Variants in PACRG observed in about 807,000 individuals in gnomAD.
The protein encoded by PACRG is parkin coregulated gene protein.
In PACRG, 29 loss-of-function variants were observed where a neutral mutation model predicts 29.7. The ratio of observed to expected loss-of-function variants is 0.98; its 90% CI spans 0.73 to 1.33. The LOEUF is 1.33. Ranked by LOEUF, PACRG falls within the 40% of genes most tolerant of loss-of-function variation. PACRG has a pLI of 0.00. For missense variants in PACRG, 279 were observed against 316.2 expected (o/e 0.88, Z 0.89); for synonymous variants, 116 against 118.7 (o/e 0.98, Z 0.15).
intron 2 of PACRG, among the ~76,000 whole-genome samples, chr6:162,849,062 G>C (rs1372417668): frequency 6.6e-6 from 1 of 152,132 alleles, no homozygotes; most frequent in East Asian, 1.9e-4. Flanking sequence ...AGAAGGGCTG[G>C]GGGCAGAGGA....
intron 4 of PACRG, chr6:163,191,826 A>T (rs1780231285): frequency 2.2e-6 from 1 of 452,886 alleles, no homozygotes. Context: ...AAACCCTGTA[A>T]CACTTCATAG....
At chr6:162,995,627 T>G (rs1299939277) in intron 2 of PACRG, among the ~76,000 whole-genome samples, 1 of 152,250 alleles carries the variant, frequency 6.6e-6, no homozygotes, top group African/African-American at 2.4e-5. Flanking sequence ...CCCACTGGCC[T>G]GCGCCCACTG....
At chr6:163,068,296 A>C (rs1270916869) in intron 3 of PACRG, among the ~76,000 whole-genome samples, 4 of 152,168 alleles carry the variant, frequency 2.6e-5, no homozygotes, top group African/African-American at 9.7e-5. Flanking sequence ...TGCTTTGTTG[A>C]AAACCCTTTT....
intron 4 of PACRG, among the ~76,000 whole-genome samples, chr6:163,136,208 A>G (rs903509261): frequency 3.3e-5 from 5 of 152,270 alleles, no homozygotes; most frequent in South Asian, 2.1e-4. Flanking sequence ...CCCAATCTCA[A>G]TTATTGACAG....
chr6:163,126,457 C>A (rs1816517651), intron 4 of PACRG, among the ~76,000 whole-genome samples: 1 of 152,060 alleles, frequency 6.6e-6, no homozygotes, highest in Non-Finnish European at 1.5e-5. Context: ...ACATTGAAAC[C>A]AAGATTGTCT....
chr6:163,257,723 A>C (rs1783171816), intron 4 of PACRG, among the ~76,000 whole-genome samples: 1 of 152,180 alleles, frequency 6.6e-6, no homozygotes, highest in Non-Finnish European at 1.5e-5. Context: ...CAACTTATTC[A>C]AGTCTTTTAT....
At chr6:163,150,330 C>T (rs1161934456) in intron 4 of PACRG, among the ~76,000 whole-genome samples, 1 of 152,144 alleles carries the variant, frequency 6.6e-6, no homozygotes, top group Non-Finnish European at 1.5e-5. Context: ...AGTGCTGTCC[C>T]ACTTGTCAGA....
In PACRG at chr6:163,253,731, A is replaced by T. The variant is rs1782996867; in HGVS notation, c.614-61096A>T. ...ACCAGAGTAATATTAGAAGAGATTA[A>T]GCCACACAAAACTATCTTCCCTCAC... On this transcript the variant is annotated intron_variant, in intron 4 of 4. Transcript: ENST00000366888. 2.6e-5 allele frequency among the ~76,000 whole-genome samples: 4 copies of T among 152,246 alleles called. No individual in the cohort carries two copies. In the South Asian group the frequency reaches 8.3e-4, roughly 31 times the overall value.
At chr6:163,148,787 T>C (rs1438828205) in intron 4 of PACRG, among the ~76,000 whole-genome samples, 2 of 152,018 alleles carry the variant, frequency 1.3e-5, no homozygotes, top group East Asian at 3.9e-4. Flanking sequence ...CTCCCAACAC[T>C]GGAAATACCT....
chr6:162,733,427 C>T (rs549990469), intron 1 of PACRG, among the ~76,000 whole-genome samples: 2 of 152,060 alleles, frequency 1.3e-5, no homozygotes, highest in South Asian at 2.1e-4. Context: ...GCAATTCTAC[C>T]CTTTCTTCTT....
intron 1 of PACRG, among the ~76,000 whole-genome samples, chr6:162,771,708 G>A (rs1006849612): frequency 2.0e-5 from 3 of 152,058 alleles, no homozygotes; most frequent in Non-Finnish European, 4.4e-5. Flanking sequence ...GAAAAGGTGG[G>A]TAATCATTTT....
At position 162,728,081 on chromosome 6, in the gene PACRG, G is replaced by T. The variant is rs1779414301; in HGVS notation, c.-155G>T. On this transcript the variant is annotated 5_prime_UTR_variant, in exon 1 of 5. Transcript: ENST00000366888. ...GTCCAGCTCCCTTCACCTAGGAGCT[G>T]CCAAACATCTGGATCAACCTGGGCA... The T allele has an allele frequency of 1.1e-6, 1 of 926,618 alleles. No homozygotes were observed. The highest frequency in any genetic ancestry group is 1.6e-6 in the Non-Finnish European group (1 of 610,600). The allele number at this position is 926,618 out of a possible 1,614,324, so 57.4% of individuals were successfully genotyped here.
chr6:162,761,007 T>G (rs892075575), intron 1 of PACRG, among the ~76,000 whole-genome samples: 4 of 152,094 alleles, frequency 2.6e-5, no homozygotes, highest in African/African-American at 4.8e-5. Context: ...CCGGGCAGGG[T>G]CTAGGGATTT....
intron 2 of PACRG, among the ~76,000 whole-genome samples, chr6:162,956,296 CTTTT>C (rs2128137288): frequency 6.6e-6 from 1 of 152,278 alleles, no homozygotes; most frequent in South Asian, 2.1e-4. Flanking sequence ...AGATTATTTT[CTTTT>C]GTCAGCAGGT....
intron 4 of PACRG, among the ~76,000 whole-genome samples, chr6:163,288,376 T>C (rs957025707): frequency 2.6e-5 from 4 of 152,230 alleles, no homozygotes; most frequent in Non-Finnish European, 5.9e-5. Context: ...GCCTGTCTCC[T>C]GGTGTGCCAC....
At chr6:162,758,117 A>G (rs922223228) in intron 1 of PACRG, among the ~76,000 whole-genome samples, 1 of 152,204 alleles carries the variant, frequency 6.6e-6, no homozygotes, top group Admixed American at 6.5e-5. Context: ...AATATAAACC[A>G]AATTAAAAAG....
At chr6:163,034,447 G>A (rs1046280501) in intron 2 of PACRG, among the ~76,000 whole-genome samples, 2 of 152,154 alleles carry the variant, frequency 1.3e-5, no homozygotes, top group African/African-American at 4.8e-5. Flanking sequence ...AATCTTAGAA[G>A]GCACTCTAAC....
At chr6:163,103,740 A>G (rs1815228348) in intron 4 of PACRG, among the ~76,000 whole-genome samples, 1 of 152,238 alleles carries the variant, frequency 6.6e-6, no homozygotes, top group Admixed American at 6.5e-5. Flanking sequence ...CATGACTGGG[A>G]GCTTGAAGTA....
At chr6:163,041,883 G>C (rs1323947792) in intron 2 of PACRG, among the ~76,000 whole-genome samples, 1 of 150,490 alleles carries the variant, frequency 6.6e-6, no homozygotes, top group African/African-American at 2.5e-5. Context: ...TGTTTTGTTT[G>C]AGTTGGAGTT....
Sources: gnomAD v4.1 joint callset for allele counts (sites outside exome capture counted in the v4.1 genomes callset) on GRCh38, gnomAD v4.1.1 for gene constraint, MANE v1.5 for transcripts, NCBI Gene and HGNC (gene_info 2026-07-23, HGNC 2026-07-21) for gene names.